The following GTF2H3 variants were observed in gnomAD, a reference collection of about 807,000 sequenced individuals.
GTF2H3 encodes TFIIH basal transcription factor complex p34 subunit.
GTF2H3 carries 42 observed loss-of-function variants against 51.1 expected under a neutral mutation model. The ratio of observed to expected loss-of-function variants is 0.82; its 90% CI spans 0.64 to 1.06. The LOEUF (loss-of-function observed/expected upper bound fraction) is 1.06. Ranked by LOEUF, GTF2H3 falls within the 50% of genes least tolerant of loss-of-function variation. GTF2H3 has a pLI of 0.00. For synonymous variants in GTF2H3, 123 were observed against 123.8 expected (o/e 0.99, Z 0.04); for missense variants, 326 against 366.1 (o/e 0.89, Z 0.89).
Position 123,659,854 on chromosome 12 carries a change from T to C in GTF2H3, c.744T>C (p.His248=). The C allele has an allele frequency of 6.8e-6, 11 of 1,613,838 alleles. No homozygotes were observed. Among genetic ancestry groups the C allele is most frequent in the Non-Finnish European group, 9.3e-6 (11 of 1,179,700 alleles). The change falls in exon 11 of 13, where the codon CAT becomes CAC. Residue 248 remains histidine, a synonymous_variant. Coordinates refer to ENST00000543341, the MANE Select transcript of GTF2H3 (RefSeq NM_001516.5). ...RSQLILPPPV[H]VDYRAACFCH... The stretch of plus-strand genomic sequence containing the variant: ...AGTTAATCCTCCCACCCCCAGTTCA[T>C]GTTGACTACAGGGCTGCTTGCTTCT...
At chr12:123,651,858 T>C (rs1244568129) in intron 5 of GTF2H3, among the ~76,000 whole-genome samples, 1 of 151,634 alleles carries the variant, frequency 6.6e-6, no homozygotes, top group Admixed American at 6.6e-5. Flanking sequence ...CTGTAAAAAC[T>C]GGAAGTGGGG....
chr12:123,634,553 G>A (rs1955246312), intron 1 of GTF2H3, among the ~76,000 whole-genome samples: 1 of 152,254 alleles, frequency 6.6e-6, no homozygotes, highest in South Asian at 2.1e-4. Flanking sequence ...AGGAGGAGCT[G>A]TTTTAGATAG....
In GTF2H3 at chr12:123,652,533, C is replaced by T; in HGVS notation, c.429C>T (p.Tyr143=). Residue 143 remains tyrosine, a splice_region_variant and synonymous_variant, in exon 6 of 13, where the codon TAC becomes TAT. Transcript: ENST00000543341. ...ATTCCTTAATGTTAAGAAATTAAGA[C>T]ATTCATAGAATGAACAAGGAAGTTA... ...LAGSLAKALC[Y]IHRMNKEVKD... The T allele has an allele frequency of 7.0e-7, 1 of 1,419,160 alleles. No homozygotes were observed. Among genetic ancestry groups the T allele is most frequent in the Non-Finnish European group, 9.7e-7 (1 of 1,029,394 alleles). 87.9% of individuals were successfully genotyped at this position (1,419,160 alleles called of 1,614,324 possible).
intron 9 of GTF2H3, among the ~76,000 whole-genome samples, chr12:123,658,399 G>A (rs191002442): frequency 1.3e-5 from 2 of 152,204 alleles, no homozygotes; most frequent in African/African-American, 4.8e-5. Context: ...TGTATTTTTA[G>A]TAGAGACAGG....
chr12:123,646,058 C>G (rs958740101), intron 3 of GTF2H3, among the ~76,000 whole-genome samples: 2 of 152,204 alleles, frequency 1.3e-5, no homozygotes, highest in Admixed American at 6.5e-5. Flanking sequence ...GCAGAAGAAA[C>G]AGTGGTCGCT....
At chr12:123,645,617 G>A (rs1447130830) in intron 3 of GTF2H3, 56 bp downstream of exon 3, 1 of 906,824 alleles carries the variant, frequency 1.1e-6, no homozygotes, top group Non-Finnish European at 1.8e-6. Flanking sequence ...TGAGTTTTCT[G>A]TGCCAGTTGG....
intron 8 of GTF2H3, 141 bp downstream of exon 8, chr12:123,655,139 G>C (rs1955571212): frequency 7.4e-6 from 5 of 676,382 alleles, no homozygotes; most frequent in South Asian, 7.3e-5. Flanking sequence ...TTATGTTCTA[G>C]TCTTTTCTCT....
chr12:123,655,949 T>G, intron 9 of GTF2H3, 125 bp downstream of exon 9: 1 of 624,806 alleles, frequency 1.6e-6, no homozygotes, highest in Admixed American at 2.6e-5. Flanking sequence ...CAGCCTAATT[T>G]TATCTATGTC....
chr12:123,637,777 G>A (rs551036670), intron 1 of GTF2H3, among the ~76,000 whole-genome samples: 48 of 152,036 alleles, frequency 3.2e-4, no homozygotes, highest in African/African-American at 1.2e-3. Context: ...GGCTGGGATG[G>A]GCGCCCAGCC....
In GTF2H3 at chr12:123,660,081, G is replaced by A; in HGVS notation, c.856G>A (p.Glu286Lys). 1 of 1,607,728 alleles carries A rather than the reference G, an allele frequency of 6.2e-7. No individual in the cohort carries two copies. Among genetic ancestry groups the A allele is most frequent in the Non-Finnish European group, 8.5e-7 (1 of 1,178,504 alleles). The change falls in exon 12 of 13, where the codon GAG becomes AAG. Residue 286 changes from glutamate (E) to lysine (K), a missense_variant and splice_region_variant. Transcript: ENST00000543341. The part of the protein sequence containing the change: ...CNFSPICTTC[E>K]TAFKISLPPV... Reference sequence around the variant, plus strand: ...TTTCAGCCCCATTTGTACTACGTGCGAGTAAGTATCTTTGAGATTGTGTGG... The same window carrying A: ...TTTCAGCCCCATTTGTACTACGTGCAAGTAAGTATCTTTGAGATTGTGTGG...
At chr12:123,647,941 G>A (rs564255687) in intron 3 of GTF2H3, 22 bp from the exon 4 acceptor site, 1 of 1,605,078 alleles carries the variant, frequency 6.2e-7, no homozygotes, top group Non-Finnish European at 8.5e-7. Context: ...GTGTAACCAG[G>A]TTTTTTCCCC....
At chr12:123,648,282 A>G (rs1394029346) in intron 4 of GTF2H3, 156 bp downstream of exon 4, 4 of 540,772 alleles carry the variant, frequency 7.4e-6, no homozygotes, top group Admixed American at 7.2e-5. Flanking sequence ...TTATTTGCCT[A>G]GCCTCTACAG....
chr12:123,641,687 T>C (rs1566225128), intron 2 of GTF2H3, among the ~76,000 whole-genome samples: 1 of 152,150 alleles, frequency 6.6e-6, no homozygotes, highest in African/African-American at 2.4e-5. Flanking sequence ...ATTAGTGTGG[T>C]TGCGTTCATA....
chr12:123,647,954 C>T lies in GTF2H3; in HGVS notation c.201-9C>T, dbSNP rs544901331. On this transcript the variant is annotated splice_polypyrimidine_tract_variant and intron_variant, in intron 3 of 12. Transcript: ENST00000543341. The stretch of plus-strand genomic sequence containing the variant: ...TGGTGTAACCAGGTTTTTTCCCCTG[C>T]TGTTTCAGCCGATTCTTATATCCTG... 9 of 1,607,808 alleles carry T rather than the reference C, an allele frequency of 5.6e-6. No individual in the cohort carries two copies. Among genetic ancestry groups the T allele is most frequent in the African/African-American group, 2.7e-5 (2 of 74,554 alleles).
At position 123,662,520 on chromosome 12, in the gene GTF2H3, GGTTA is replaced by G. The variant is rs1955670028; in HGVS notation, c.*2289_*2292del. 1 of 152,130 alleles carries G rather than the reference GGTTA, an allele frequency of 6.6e-6. No homozygotes were observed. The allele number at this position is 152,130 out of a possible 1,614,324, so 9.4% of individuals were successfully genotyped here. ...TTTATTTGAAATATCTTATATATTT[GGTTA>G]GTTCTGTTTAACTTGTTTTTAACTG... On this transcript the variant is annotated 3_prime_UTR_variant, in exon 13 of 13. Coordinates refer to ENST00000543341, the MANE Select transcript of GTF2H3 (RefSeq NM_001516.5).
intron 1 of GTF2H3, among the ~76,000 whole-genome samples, chr12:123,637,321 C>G (rs1955299256): frequency 6.6e-6 from 1 of 151,800 alleles, no homozygotes; most frequent in Admixed American, 6.6e-5. Context: ...GGATCACAAG[C>G]CCAGGATTTC....
In GTF2H3 at chr12:123,654,979, T is replaced by G. The variant is rs748009755; in HGVS notation, c.542T>G (p.Ile181Ser). The G allele has an allele frequency of 3.1e-6, 5 of 1,612,676 alleles. No homozygotes were observed. In the South Asian group the frequency reaches 4.4e-5, roughly 14 times the overall value. Residue 181 changes from isoleucine to serine, a missense_variant, in exon 8 of 13, where the codon ATC becomes AGC. Physicochemically the swap from Ile to Ser is moderately radical, Grantham distance 142. Coordinates refer to ENST00000543341, the MANE Select transcript of GTF2H3 (RefSeq NM_001516.5). ...ALQYMNFMNV[I>S]FAAQKQNILI... ...CAGTATATGAACTTCATGAATGTCA[T>G]CTTTGCAGCACAGAAACAGGTGAAC...
Position 123,659,809 on chromosome 12 carries a change from C to T in GTF2H3, c.699C>T (p.Pro233=), listed in dbSNP as rs567907024. The T allele has an allele frequency of 8.7e-6, 14 of 1,611,662 alleles. No individual in the cohort carries two copies. Among genetic ancestry groups the T allele is most frequent in the South Asian group, 1.1e-5 (1 of 90,338 alleles). The change falls in exon 11 of 13, where the codon CCC becomes CCT. Residue 233 remains proline, a synonymous_variant. Coordinates refer to ENST00000543341, the MANE Select transcript of GTF2H3 (RefSeq NM_001516.5). The part of the protein sequence containing the change: ...LLQYLLWVFL[P]DQDQRSQLIL... ...TTGTTTTACAGTGGGTGTTTCTTCC[C>T]GATCAAGATCAGAGATCTCAGTTAA...
chr12:123,633,839 C>A lies in GTF2H3; in HGVS notation c.-21C>A, dbSNP rs925921624. On this transcript the variant is annotated 5_prime_UTR_variant, in exon 1 of 13. Coordinates refer to ENST00000543341, the MANE Select transcript of GTF2H3 (RefSeq NM_001516.5). ...GCTCCCCTGACCACCACTTGCTCTG[C>A]GCTGAGGTGCTGGGACAGCCATGGT... 6 of 1,612,536 alleles carry A rather than the reference C, an allele frequency of 3.7e-6. No individual in the cohort carries two copies. Among genetic ancestry groups the A allele is most frequent in the Admixed American group, 1.7e-5 (1 of 59,998 alleles).
Sources: gnomAD v4.1 joint callset for allele counts (sites outside exome capture counted in the v4.1 genomes callset) on GRCh38, gnomAD v4.1.1 for gene constraint, MANE v1.5 for transcripts, NCBI Gene and HGNC (gene_info 2026-07-23, HGNC 2026-07-21) for gene names.